TRRAP: variants seen among roughly 807,000 people sequenced by gnomAD.
The protein encoded by TRRAP is transformation/transcription domain associated protein.
In TRRAP, 41 loss-of-function variants were observed where a neutral mutation model predicts 438.8. The observed-to-expected ratio is 0.09, with a 90% CI of 0.07 to 0.12. The LOEUF is 0.12. TRRAP is among the 10% of genes least tolerant of loss of function. TRRAP has a pLI of 1.00. For synonymous variants in TRRAP, 1,994 were observed against 1,962.9 expected (o/e 1.02, Z -0.42); for missense variants, 3,122 against 5,055.1 (o/e 0.62, Z 11.60).
chr7:98,911,809 G>A (rs1429232247), intron 17 of TRRAP, among the ~76,000 whole-genome samples: 2 of 151,730 alleles, frequency 1.3e-5, no homozygotes, highest in Non-Finnish European at 2.9e-5. Context: ...TGTATTTGAT[G>A]ATGAGGATGA....
At position 98,933,412 on chromosome 7, in the gene TRRAP, T is replaced by G. The variant is rs782532371; in HGVS notation, c.4014+10T>G. On this transcript the variant is annotated intron_variant, in intron 27 of 72. Transcript: ENST00000456197. Reference sequence around the variant, plus strand: ...GGTGTTCTACACAGAGGTAGGGGGGTGGTGGTGCGGAGTGGTGTGGATGGT... The same window carrying G: ...GGTGTTCTACACAGAGGTAGGGGGGGGGTGGTGCGGAGTGGTGTGGATGGT... 35 of 1,609,322 alleles carry G rather than the reference T, an allele frequency of 2.2e-5. No individual in the cohort carries two copies. The highest frequency in any genetic ancestry group is 1.6e-4 in the Middle Eastern group (1 of 6,068).
intron 58 of TRRAP, among the ~76,000 whole-genome samples, chr7:98,979,348 C>T (rs1199019188): frequency 6.6e-6 from 1 of 152,208 alleles, no homozygotes; most frequent in Non-Finnish European, 1.5e-5. Context: ...AATCTCTGCA[C>T]AGCCGCCTGG....
rs78871243 is a variant in TRRAP, at chr7:98,893,788, T to C, written c.367-10T>C. 8.1e-6 allele frequency: 13 copies of C among 1,596,072 alleles called. No individual in the cohort carries two copies. The highest frequency in any genetic ancestry group is 6.7e-5 in the African/African-American group (5 of 74,236). On this transcript the variant is annotated splice_polypyrimidine_tract_variant and intron_variant, in intron 5 of 72. Transcript: ENST00000456197. ...CAGAAGTATAACTTTCATTAAATGC[T>C]TTTTTTTAGACGGAAAATGAAGAAA...
intron 24 of TRRAP, 65 bp from the exon 25 acceptor site, chr7:98,930,568 A>C: frequency 6.3e-7 from 1 of 1,595,192 alleles, no homozygotes; most frequent in East Asian, 2.2e-5. Flanking sequence ...ATAAGAGCGA[A>C]ACTCTGTCTC....
intron 20 of TRRAP, among the ~76,000 whole-genome samples, chr7:98,919,691 C>A (rs1029388786): frequency 5.9e-5 from 9 of 152,212 alleles, no homozygotes; most frequent in African/African-American, 2.2e-4. Context: ...GCCTTTAGAA[C>A]AGTAGTATTG....
At position 99,012,033 on chromosome 7, in the gene TRRAP, G is replaced by A; in HGVS notation, c.11338-38G>A. 1 of 1,600,108 alleles carries A rather than the reference G, an allele frequency of 6.2e-7. No homozygotes were observed. Among genetic ancestry groups the A allele is most frequent in the Non-Finnish European group, 8.5e-7 (1 of 1,170,856 alleles). ...GAAGCTGCCCCTGTGGGCTGTTCTT[G>A]GTTAAACACAAGTCGTCTCGTTCTC... is the stretch of plus-strand genomic sequence containing the variant. On this transcript the variant is annotated intron_variant, in intron 72 of 72. Transcript: ENST00000456197. The surrounding 1 kb of genome is among the most constrained non-coding windows in gnomAD (Gnocchi z 5.9).
At chr7:98,903,659 C>T in intron 12 of TRRAP, 142 bp downstream of exon 12, 2 of 1,213,230 alleles carry the variant, frequency 1.6e-6, no homozygotes, top group East Asian at 2.5e-5. Flanking sequence ...CATTCTTTCC[C>T]CTCTTTTCTC....
intron 29 of TRRAP, 83 bp from the exon 30 acceptor site, chr7:98,937,567 A>C (rs1554414564): frequency 7.2e-7 from 1 of 1,394,802 alleles, no homozygotes; most frequent in Non-Finnish European, 9.6e-7. Context: ...GGAAACTTGC[A>C]GCTAAGGTTG....
chr7:98,880,693 GTTT>G (rs1328515889), intron 1 of TRRAP, among the ~76,000 whole-genome samples: 1 of 152,152 alleles, frequency 6.6e-6, no homozygotes, highest in Non-Finnish European at 1.5e-5. Context: ...CATAAATAAA[GTTT>G]TATTGGAACA....
chr7:98,933,138 T>C (rs770073071), intron 26 of TRRAP, 103 bp from the exon 27 acceptor site: 30 of 1,407,724 alleles, frequency 2.1e-5, no homozygotes, highest in South Asian at 6.1e-5. Flanking sequence ...TGAGAAGATA[T>C]CTGTAATAAC....
chr7:98,996,533 A>G (rs1793668849), intron 67 of TRRAP, among the ~76,000 whole-genome samples: 1 of 152,272 alleles, frequency 6.6e-6, no homozygotes, highest in African/African-American at 2.4e-5. Flanking sequence ...AGTTTCCCAG[A>G]GATGAAAGAA....
intron 3 of TRRAP, among the ~76,000 whole-genome samples, chr7:98,889,045 C>CTT (rs11326725): frequency 4.9e-5 from 4 of 82,432 alleles, no homozygotes; most frequent in East Asian, 6.1e-4. Context: ...CAAAACTTTA[C>CTT]TTTTTTTTTT....
intron 70 of TRRAP, 105 bp downstream of exon 70, chr7:99,008,666 G>C (rs776607892): frequency 8.0e-7 from 1 of 1,244,978 alleles, no homozygotes; most frequent in Non-Finnish European, 1.1e-6. Context: ...GCATTTGTTG[G>C]GGGCCACCTC....
At chr7:98,916,011 G>A (rs1554409526) in intron 19 of TRRAP, 123 bp downstream of exon 19, 4 of 1,323,414 alleles carry the variant, frequency 3.0e-6, no homozygotes, top group Non-Finnish European at 4.1e-6. Context: ...GGGATGGGAT[G>A]TGGCACATCC....
At chr7:98,967,402 A>G in intron 50 of TRRAP, 83 bp from the exon 51 acceptor site, 8 of 1,485,452 alleles carry the variant, frequency 5.4e-6, no homozygotes, top group Non-Finnish European at 7.4e-6. Flanking sequence ...CAGCAAGTTC[A>G]CATCCACGTT....
At chr7:98,933,667 A>C (rs1176540501) in intron 27 of TRRAP, among the ~76,000 whole-genome samples, 1 of 152,204 alleles carries the variant, frequency 6.6e-6, no homozygotes, top group African/African-American at 2.4e-5. Flanking sequence ...GCTTGAATTT[A>C]GGGCCTCAAG....
intron 30 of TRRAP, among the ~76,000 whole-genome samples, chr7:98,940,571 G>A (rs1790755220): frequency 6.6e-6 from 1 of 152,170 alleles, no homozygotes; most frequent in Non-Finnish European, 1.5e-5. Flanking sequence ...CTTAATGTCT[G>A]TAGTTTCTGA....
At chr7:98,890,566 ACTTTGTT>A in intron 4 of TRRAP, 121 bp downstream of exon 4, 1 of 707,282 alleles carries the variant, frequency 1.4e-6, no homozygotes, top group Non-Finnish European at 2.2e-6. Flanking sequence ...CATAAGGATA[ACTTTGTT>A]CAAGACCGCT....
intron 31 of TRRAP, among the ~76,000 whole-genome samples, chr7:98,943,999 C>T (rs1234872026): frequency 6.6e-6 from 1 of 152,198 alleles, no homozygotes; most frequent in Admixed American, 6.5e-5. Context: ...TGCTTCTAAA[C>T]AGCCAAGTAA....
Sources: gnomAD v4.1 joint callset for allele counts (sites outside exome capture counted in the v4.1 genomes callset) on GRCh38, gnomAD v4.1.1 for gene constraint, Gnocchi (gnomAD v3.1) non-coding constraint, MANE v1.5 for transcripts, NCBI Gene and HGNC (gene_info 2026-07-23, HGNC 2026-07-21) for gene names.